The following CCDC110 variants were observed in gnomAD, a reference collection of about 807,000 sequenced individuals.
CCDC110 encodes the protein coiled-coil domain containing 110.
In CCDC110, 70 loss-of-function variants were observed where a neutral mutation model predicts 77.1. That is an observed-to-expected ratio of 0.91 (90% CI 0.75 to 1.11). The LOEUF (loss-of-function observed/expected upper bound fraction) is 1.11. CCDC110 is among the 50% of genes least tolerant of loss of function. CCDC110 has a pLI of 0.00. For synonymous variants in CCDC110, 295 were observed against 312.5 expected, an observed-to-expected ratio of 0.94 and a Z score of 0.59; for missense variants, 868 against 942.9, an observed-to-expected ratio of 0.92 and a Z score of 1.04.
chr4:185,451,350 T>C (rs2095628992), intron 6 of CCDC110, among the ~76,000 whole-genome samples: 1 of 152,236 alleles, frequency 6.6e-6, no homozygotes, highest in Admixed American at 6.5e-5. Flanking sequence ...AATGAGTTTG[T>C]AGAAGGCTAC....
chr4:185,465,872 T>G (rs2095654735), intron 2 of CCDC110, among the ~76,000 whole-genome samples: 1 of 152,194 alleles, frequency 6.6e-6, no homozygotes, highest in South Asian at 2.1e-4. Context: ...GATGAATGAA[T>G]GATGGCTCCT....
In CCDC110 at chr4:185,449,677, A is replaced by G. The variant is rs1332025403; in HGVS notation, c.2462-4135T>C. ...AAGACAAGTAGCTTTCTAGATCTTA[A>G]CTATGAGTAATTCACTATCAAGAGC... On this transcript the variant is annotated intron_variant, in intron 6 of 6. Transcript: ENST00000307588. 6.4e-6 allele frequency: 9 copies of G among 1,416,776 alleles called. 1 individual carries two copies. In the South Asian group the frequency reaches 7.9e-5, roughly 12 times the overall value. The allele number at this position is 1,416,776 out of a possible 1,614,324, so 87.8% of individuals were successfully genotyped here.
chr4:185,459,510 T>C lies in CCDC110; in HGVS notation c.1077A>G (p.Lys359=), dbSNP rs751039076. Residue 359 remains lysine (K), a synonymous_variant, in exon 6 of 7, where the codon AAA becomes AAG. Transcript: ENST00000307588. ...HRGKKNEKNN[K]EIPITGKNIT... ...TATTTTTGCCAGTGATGGGAATTTC[T>C]TTATTGTTTTTCTCATTTTTCTTTC... 2 of 1,613,428 alleles carry C rather than the reference T, an allele frequency of 1.2e-6. No homozygotes were observed. The highest frequency in any genetic ancestry group is 1.7e-6 in the Non-Finnish European group (2 of 1,179,666).
At chr4:185,456,278 A>G (rs1390214290) in intron 6 of CCDC110, among the ~76,000 whole-genome samples, 1 of 152,242 alleles carries the variant, frequency 6.6e-6, no homozygotes, top group African/African-American at 2.4e-5. Flanking sequence ...ATCACAAGTG[A>G]AAAAGAAAGT....
intron 5 of CCDC110, 107 bp downstream of exon 5, chr4:185,460,942 G>T (rs373213696): frequency 2.1e-6 from 1 of 473,078 alleles, no homozygotes; most frequent in South Asian, 1.9e-5. Context: ...CATCTCTGAT[G>T]GTCCATTTTT....
At chr4:185,457,880 A>T in intron 6 of CCDC110, 2 of 957,398 alleles carry the variant, frequency 2.1e-6, no homozygotes, top group Non-Finnish European at 2.9e-6. Context: ...ATAATAATTA[A>T]CTCCCTCTTG....
At chr4:185,470,750 G>A in intron 2 of CCDC110, 195 bp downstream of exon 2, 1 of 661,090 alleles carries the variant, frequency 1.5e-6, no homozygotes, top group Non-Finnish European at 2.8e-6. Context: ...CACCCACCTC[G>A]TAAAAGTGTT....
chr4:185,454,265 C>A (rs1375991347), intron 6 of CCDC110, among the ~76,000 whole-genome samples: 1 of 152,172 alleles, frequency 6.6e-6, no homozygotes, highest in East Asian at 1.9e-4. Flanking sequence ...AGACCTGTTT[C>A]CAGTTTATTC....
In CCDC110 at chr4:185,468,892, G is replaced by T. The variant is rs1399234337; in HGVS notation, c.115+2053C>A. On this transcript the variant is annotated intron_variant, in intron 2 of 6. Coordinates refer to ENST00000307588, the MANE Select transcript of CCDC110 (RefSeq NM_152775.4). This position sits in a 1 kb window ranked among gnomAD's most constrained non-coding sequence, Gnocchi z 4.5. ...TCCATGTGGGCAGGGAATCTTGCAA[G>T]TCTTGTTCACTGTTGGATCCCCAGC... is the stretch of plus-strand genomic sequence containing the variant. 9.9e-5 allele frequency among the ~76,000 whole-genome samples: 15 copies of T among 152,208 alleles called. No individual in the cohort carries two copies.
rs768622053 is a variant in CCDC110 at position 185,471,002 on chromosome 4, C to T, written c.58G>A (p.Ala20Thr). 1.2e-6 allele frequency: 2 copies of T among 1,606,336 alleles called. No homozygotes were observed. The highest frequency in any genetic ancestry group is 1.7e-6 in the Non-Finnish European group (2 of 1,178,352). ...EDEVDSVLLSASKILNSSEGV... is the reference protein window; with the variant it reads ...EDEVDSVLLSTSKILNSSEGV... The stretch of plus-strand genomic sequence containing the variant: ...TCCGAAGAATTTAGGATCTTGGACG[C>T]TGAAAGGAGAACGGAGTCAACTTCA... Residue 20 changes from alanine (A) to threonine (T), a missense_variant, in exon 2 of 7, where the codon GCG (alanine) becomes ACG (threonine). Transcript: ENST00000307588.
rs781091237 is a variant in CCDC110 at position 185,459,096 on chromosome 4, TG to T, written c.1490del (p.Thr497LysfsTer15). ...TAAGACACTCTTTGCTGTATTCTTC[TG>T]TTTTACTTAACTTAGACTGAATAGT... is the stretch of plus-strand genomic sequence containing the variant. ...KSTIQSKLSK[T>X]EEYSKECLKE... On this transcript the variant is annotated frameshift_variant, in exon 6 of 7. Coordinates refer to ENST00000307588, the MANE Select transcript of CCDC110 (RefSeq NM_152775.4). LOFTEE classifies it high-confidence loss of function. 6.3e-7 allele frequency: 1 copy of T among 1,586,106 alleles called. No individual in the cohort carries two copies. Among genetic ancestry groups the T allele is most frequent in the Non-Finnish European group, 8.6e-7 (1 of 1,162,626 alleles).
At chr4:185,450,537 A>T (rs2095627295) in intron 6 of CCDC110, among the ~76,000 whole-genome samples, 1 of 152,190 alleles carries the variant, frequency 6.6e-6, no homozygotes, top group South Asian at 2.1e-4. Context: ...TCACAAGGTT[A>T]GGAGTTCGAG....
At position 185,445,395 on chromosome 4, in the gene CCDC110, C is replaced by G; in HGVS notation, c.*107G>C. The G allele has an allele frequency of 1.2e-6, 1 of 857,312 alleles. No homozygotes were observed. The highest frequency in any genetic ancestry group is 1.9e-6 in the Non-Finnish European group (1 of 534,450). 53.1% of individuals were successfully genotyped at this position (857,312 alleles called of 1,614,324 possible). ...TAATTTTTAAAGCAAATATATAGCG[C>G]CTCATTATGAGTCATTTGAGATGAG... On this transcript the variant is annotated 3_prime_UTR_variant, in exon 7 of 7. Coordinates refer to ENST00000307588, the MANE Select transcript of CCDC110 (RefSeq NM_152775.4).
At chr4:185,449,446 C>T (rs371735575) in intron 6 of CCDC110, 325 of 500,750 alleles carry the variant, frequency 6.5e-4, no homozygotes, top group Middle Eastern at 3.5e-3. Context: ...GCCTAAAAGC[C>T]TAGGAGGTTG....
chr4:185,469,552 G>T lies in CCDC110; in HGVS notation c.115+1393C>A, dbSNP rs112107647. 4.6e-5 allele frequency among the ~76,000 whole-genome samples: 7 copies of T among 152,290 alleles called. No individual in the cohort carries two copies. The South Asian group carries it at 1.5e-3, about 32-fold the overall frequency. ...TACATGCTCTCTTTGAGGTAAATACGGAGCTACCTCAATGTCTCAACTCTC... is the reference window on the plus strand; with the variant it reads ...TACATGCTCTCTTTGAGGTAAATACTGAGCTACCTCAATGTCTCAACTCTC... On this transcript the variant is annotated intron_variant, in intron 2 of 6. Transcript: ENST00000307588.
At chr4:185,447,233 A>G (rs113207865) in intron 6 of CCDC110, among the ~76,000 whole-genome samples, 2,619 of 150,596 alleles carry the variant, frequency 0.017, 47 homozygotes, top group Middle Eastern at 0.059. Flanking sequence ...CCAGGCTGGA[A>G]TGCAGTGGCA....
At chr4:185,463,351 T>A (rs914163721) in intron 2 of CCDC110, among the ~76,000 whole-genome samples, 1 of 152,136 alleles carries the variant, frequency 6.6e-6, no homozygotes, top group Non-Finnish European at 1.5e-5. Context: ...TAAACTGCAT[T>A]CAAAAAAAAC....
chr4:185,465,461 G>A (rs971149550), intron 2 of CCDC110, among the ~76,000 whole-genome samples: 1 of 151,768 alleles, frequency 6.6e-6, no homozygotes, highest in Non-Finnish European at 1.5e-5. Flanking sequence ...TCCTTTTTTG[G>A]CCTCACCGTG....
At chr4:185,462,501 A>G (rs947429471) in intron 4 of CCDC110, 142 bp downstream of exon 4, 1 of 642,564 alleles carries the variant, frequency 1.6e-6, no homozygotes, top group Non-Finnish European at 2.8e-6. Flanking sequence ...TCTTTAAAAT[A>G]AATTTTGAGC....
Sources: gnomAD v4.1 joint callset for allele counts (sites outside exome capture counted in the v4.1 genomes callset) on GRCh38, gnomAD v4.1.1 for gene constraint, Gnocchi (gnomAD v3.1) non-coding constraint, MANE v1.5 for transcripts, NCBI Gene and HGNC (gene_info 2026-07-23, HGNC 2026-07-21) for gene names.